Variants in APBB2 observed in about 807,000 individuals in gnomAD.
APBB2 encodes amyloid beta precursor protein binding family B member 2.
A neutral mutation model predicts 82.5 loss-of-function variants in APBB2; 38 were observed. The observed-to-expected ratio is 0.46, with a 90% CI of 0.36 to 0.60. The LOEUF (loss-of-function observed/expected upper bound fraction) is 0.60, where lower values mean the gene tolerates loss of function less well. Among genes scored for constraint, APBB2 ranks in the 20% least tolerant of loss-of-function variants. APBB2 has a pLI of 0.00. For missense variants in APBB2, 772 were observed against 972.3 expected, an observed-to-expected ratio of 0.79 and a Z score of 2.74; for synonymous variants, 341 against 368.2, an observed-to-expected ratio of 0.93 and a Z score of 0.85.
intron 10 of APBB2, among the ~76,000 whole-genome samples, chr4:40,901,369 T>C (rs573534208): frequency 1.3e-4 from 19 of 151,410 alleles, no homozygotes; most frequent in African/African-American, 4.6e-4. Flanking sequence ...GTTTTGTTTT[T>C]ACAATTAATG....
chr4:40,878,491 G>A (rs538880744), intron 12 of APBB2, among the ~76,000 whole-genome samples: 1 of 152,274 alleles, frequency 6.6e-6, no homozygotes, highest in East Asian at 1.9e-4. Context: ...TGTTTGCCAT[G>A]TCAGCATCCA....
intron 12 of APBB2, among the ~76,000 whole-genome samples, chr4:40,862,029 C>T (rs779136710): frequency 1.3e-5 from 2 of 152,106 alleles, no homozygotes; most frequent in African/African-American, 4.8e-5. Context: ...TTCATAGAAA[C>T]CTAACTGAAA....
At chr4:40,939,107 C>G (rs1325083124) in intron 7 of APBB2, among the ~76,000 whole-genome samples, 2 of 152,242 alleles carry the variant, frequency 1.3e-5, no homozygotes, top group Non-Finnish European at 2.9e-5. Flanking sequence ...GATGCAGTCT[C>G]TCGGCCTTGG....
chr4:40,906,388 G>A (rs1258037217), intron 10 of APBB2, among the ~76,000 whole-genome samples: 1 of 142,914 alleles, frequency 7.0e-6, no homozygotes, highest in Non-Finnish European at 1.5e-5. Context: ...AGAATGGCTT[G>A]ACTGGGAGGC....
At chr4:41,084,367 T>G (rs1412178532) in intron 3 of APBB2, among the ~76,000 whole-genome samples, 3 of 152,040 alleles carry the variant, frequency 2.0e-5, no homozygotes, top group African/African-American at 7.3e-5. Flanking sequence ...GAGGTTGCAG[T>G]GAGCAGAGAT....
At chr4:40,880,300 C>G (rs1035888649) in intron 12 of APBB2, 1 of 985,330 alleles carries the variant, frequency 1.0e-6, no homozygotes, top group African/African-American at 1.7e-5. Flanking sequence ...ATTCTTCTTT[C>G]CCAGTGACGA....
intron 1 of APBB2, among the ~76,000 whole-genome samples, chr4:41,211,966 C>G (rs887088870): frequency 6.6e-6 from 1 of 152,052 alleles, no homozygotes. Flanking sequence ...GGTATTAAGC[C>G]CAGTATCTAT....
intron 15 of APBB2, among the ~76,000 whole-genome samples, chr4:40,824,628 C>T (rs774129466): frequency 6.6e-6 from 1 of 152,116 alleles, no homozygotes; most frequent in Non-Finnish European, 1.5e-5. Flanking sequence ...GCTGGGACTA[C>T]AGGTACATGC....
intron 1 of APBB2, among the ~76,000 whole-genome samples, chr4:41,168,421 C>A (rs896800122): frequency 1.3e-5 from 2 of 151,284 alleles, no homozygotes; most frequent in African/African-American, 4.9e-5. Context: ...GCTCTGTCAC[C>A]CAGGCTGGAG....
At chr4:40,893,747 G>C (rs1772801906) in intron 10 of APBB2, among the ~76,000 whole-genome samples, 1 of 152,120 alleles carries the variant, frequency 6.6e-6, no homozygotes, top group African/African-American at 2.4e-5. Flanking sequence ...GCTGAGGTGG[G>C]TGGATCACCT....
intron 1 of APBB2, among the ~76,000 whole-genome samples, chr4:41,190,293 C>T (rs975646969): frequency 2.9e-5 from 4 of 139,614 alleles, no homozygotes; most frequent in Non-Finnish European, 6.0e-5. Flanking sequence ...GTTCCGTCGC[C>T]CAGGCTGGAG....
chr4:41,073,160 A>C (rs771343644), intron 3 of APBB2, among the ~76,000 whole-genome samples: 1 of 152,090 alleles, frequency 6.6e-6, no homozygotes, highest in African/African-American at 2.4e-5. Context: ...CTTTTTCCCA[A>C]TTATTTCCAC....
chr4:40,852,746 T>G (rs1461381587), intron 12 of APBB2, among the ~76,000 whole-genome samples: 1 of 152,120 alleles, frequency 6.6e-6, no homozygotes, highest in African/African-American at 2.4e-5. Context: ...GTTCAAGAGA[T>G]TCTCGTGCCT....
chr4:40,911,828 C>T (rs1414296518), intron 10 of APBB2, among the ~76,000 whole-genome samples: 1 of 152,200 alleles, frequency 6.6e-6, no homozygotes, highest in Non-Finnish European at 1.5e-5. Flanking sequence ...GAGCTTTGTG[C>T]TAATTTCTTC....
At chr4:41,113,693 G>A (rs1253558517) in intron 2 of APBB2, among the ~76,000 whole-genome samples, 1 of 152,126 alleles carries the variant, frequency 6.6e-6, no homozygotes, top group Non-Finnish European at 1.5e-5. Flanking sequence ...AGTAATATTT[G>A]GGGACTACTG....
At chr4:41,146,323 C>CA (rs35546477) in intron 1 of APBB2, among the ~76,000 whole-genome samples, 1,904 of 57,454 alleles carry the variant, frequency 0.033, 19 homozygotes, top group Middle Eastern at 0.077. Context: ...AAGACTGTCT[C>CA]AAAAAAAAAA....
At chr4:41,082,996 C>G (rs540769239) in intron 3 of APBB2, among the ~76,000 whole-genome samples, 6 of 152,076 alleles carry the variant, frequency 3.9e-5, no homozygotes, top group Non-Finnish European at 8.8e-5. Context: ...AACCCCATCT[C>G]TACTAAAAAT....
At chr4:40,875,870 C>T (rs894439123) in intron 12 of APBB2, among the ~76,000 whole-genome samples, 1 of 151,750 alleles carries the variant, frequency 6.6e-6, no homozygotes, top group Non-Finnish European at 1.5e-5. Context: ...GTTTTGTATC[C>T]ACCTTAGTCA....
intron 10 of APBB2, among the ~76,000 whole-genome samples, chr4:40,912,154 A>G (rs905840240): frequency 2.0e-5 from 3 of 152,228 alleles, no homozygotes; most frequent in African/African-American, 4.8e-5. Flanking sequence ...TGGGATGGGA[A>G]CCTGTGGAAA....
Sources: allele counts gnomAD v4.1 joint callset (sites outside exome capture counted in the v4.1 genomes callset), GRCh38; gene constraint gnomAD v4.1.1; transcripts MANE v1.5; gene names NCBI Gene and HGNC (gene_info 2026-07-23, HGNC 2026-07-21).